Variants in UCHL3 observed in about 807,000 individuals in gnomAD.
UCHL3 encodes the protein ubiquitin carboxyl-terminal hydrolase isozyme L3.
In UCHL3, 22 loss-of-function variants were observed where a neutral mutation model predicts 35.8. The observed-to-expected ratio is 0.61, with a 90% CI of 0.44 to 0.88. The LOEUF (loss-of-function observed/expected upper bound fraction) is 0.88, where lower values mean the gene tolerates loss of function less well. UCHL3 is among the 40% of genes least tolerant of loss of function. The probability of loss-of-function intolerance (pLI) is 0.00; values close to 1 mark genes in which losing one functional copy is unlikely to be tolerated. For synonymous variants in UCHL3, 90 were observed against 92.8 expected, an observed-to-expected ratio of 0.97 and a Z score of 0.17; for missense variants, 229 against 276.9, an observed-to-expected ratio of 0.83 and a Z score of 1.23.
upstream of UCHL3, chr13:75,549,529 C>A (rs535245498): frequency 1.2e-4 from 48 of 413,058 alleles, no homozygotes; most frequent in African/African-American, 9.3e-4. Flanking sequence ...TCGGAAGAGT[C>A]CAAGCGTGAG....
intron 3 of UCHL3, among the ~76,000 whole-genome samples, chr13:75,563,455 G>C (rs1411174482): frequency 6.6e-6 from 1 of 152,122 alleles, no homozygotes; most frequent in Non-Finnish European, 1.5e-5. Context: ...GGGATTATAG[G>C]TGTGACTCAT....
chr13:75,595,345 G>A (rs1453409192), intron 7 of UCHL3, among the ~76,000 whole-genome samples: 3 of 151,968 alleles, frequency 2.0e-5, no homozygotes, highest in Non-Finnish European at 4.4e-5. Flanking sequence ...TTAAAAGATA[G>A]TGTAATATTT....
At chr13:75,559,101 G>A (rs570530353) in intron 2 of UCHL3, among the ~76,000 whole-genome samples, 3 of 123,078 alleles carry the variant, frequency 2.4e-5, no homozygotes, top group Admixed American at 9.7e-5. Flanking sequence ...GTGCAGTGGC[G>A]CAATCTCTGC....
At chr13:75,578,073 A>G (rs1410754065) in intron 6 of UCHL3, among the ~76,000 whole-genome samples, 3 of 152,134 alleles carry the variant, frequency 2.0e-5, no homozygotes, top group Non-Finnish European at 2.9e-5. Flanking sequence ...TTTTGCATCT[A>G]TGTATATTTG....
chr13:75,599,085 C>T (rs1384564937), intron 7 of UCHL3, among the ~76,000 whole-genome samples: 2 of 151,858 alleles, frequency 1.3e-5, no homozygotes, highest in African/African-American at 2.4e-5. Flanking sequence ...CCCCTTGTCA[C>T]AGCCTCCTGA....
chr13:75,593,106 A>G lies in UCHL3; in HGVS notation c.475-1809A>G, dbSNP rs146921651. 1.6e-3 allele frequency among the ~76,000 whole-genome samples: 245 copies of G among 152,316 alleles called. 1 individual carries two copies. Among genetic ancestry groups the G allele is most frequent in the African/African-American group, 5.6e-3 (231 of 41,576 alleles). ...TCTTAAGAAGAGATGGTGTTAAGGT[A>G]ACTAATAATTTATGAAAGCATAAAG... On this transcript the variant is annotated intron_variant, in intron 6 of 8. Transcript: ENST00000377595.
chr13:75,559,079 G>A lies in UCHL3; in HGVS notation c.55-1674G>A, dbSNP rs564260056. 7.9e-5 allele frequency among the ~76,000 whole-genome samples: 8 copies of A among 100,720 alleles called. No homozygotes were observed. The South Asian group carries it at 2.8e-3, about 35-fold the overall frequency. 66.1% of individuals were successfully genotyped at this position (100,720 alleles called of 152,430 possible). Reference sequence around the variant, plus strand: ...TTTTGAGACGGAGTCTGGCTCTGTAGCCCAGGCTGGAGTGCAGTGGCGCAA... The same window carrying A: ...TTTTGAGACGGAGTCTGGCTCTGTAACCCAGGCTGGAGTGCAGTGGCGCAA... On this transcript the variant is annotated intron_variant, in intron 2 of 8. Transcript: ENST00000377595.
chr13:75,591,032 G>A (rs1015240412), intron 6 of UCHL3, among the ~76,000 whole-genome samples: 1 of 152,112 alleles, frequency 6.6e-6, no homozygotes, highest in Non-Finnish European at 1.5e-5. Flanking sequence ...GCTTTGGTGT[G>A]TGCCATACAT....
chr13:75,602,763 A>C (rs9543994), intron 7 of UCHL3, among the ~76,000 whole-genome samples: 1 of 151,954 alleles, frequency 6.6e-6, no homozygotes, highest in African/African-American at 2.4e-5. Context: ...CATTAAAAAT[A>C]CACTGAGGGC....
At chr13:75,568,954 T>C (rs1302817855) in intron 5 of UCHL3, among the ~76,000 whole-genome samples, 1 of 152,212 alleles carries the variant, frequency 6.6e-6, no homozygotes, top group African/African-American at 2.4e-5. Context: ...GGTTTTTTTT[T>C]AGTTCAGGAA....
intron 2 of UCHL3, among the ~76,000 whole-genome samples, chr13:75,550,214 C>G (rs2138438160): frequency 6.6e-6 from 1 of 152,336 alleles, no homozygotes; most frequent in African/African-American, 2.4e-5. Context: ...TCTGCAGTCA[C>G]CACGTATCTT....
intron 7 of UCHL3, among the ~76,000 whole-genome samples, chr13:75,597,732 A>G (rs1489031083): frequency 1.3e-5 from 2 of 152,190 alleles, no homozygotes; most frequent in African/African-American, 4.8e-5. Flanking sequence ...CCCCACAGAT[A>G]TGGAGAGATG....
At chr13:75,569,553 T>C (rs2031788944) in intron 6 of UCHL3, 46 bp downstream of exon 6, 1 of 1,516,154 alleles carries the variant, frequency 6.6e-7, no homozygotes, top group Non-Finnish European at 9.0e-7. Flanking sequence ...AATTTAACCA[T>C]ATAAATTTCT....
chr13:75,576,007 C>T (rs1369985038), intron 6 of UCHL3, among the ~76,000 whole-genome samples: 1 of 152,126 alleles, frequency 6.6e-6, no homozygotes, highest in Admixed American at 6.5e-5. Flanking sequence ...CTACCTCGGC[C>T]TCCCAAAGTG....
rs571807460 is a variant in UCHL3, at chr13:75,554,512, C to T, written c.54+4525C>T. ...CTTCTTGCAAAGGCTATTCCAAATA[C>T]GGCTATTCCAAATATGGCTATTCCA... On this transcript the variant is annotated intron_variant, in intron 2 of 8. Coordinates refer to ENST00000377595, the MANE Select transcript of UCHL3 (RefSeq NM_006002.5). 1.3e-4 allele frequency among the ~76,000 whole-genome samples: 20 copies of T among 152,288 alleles called. 1 individual carries two copies. The South Asian group carries it at 2.5e-3, about 19-fold the overall frequency.
chr13:75,592,508 T>G (rs2138568065), intron 6 of UCHL3, among the ~76,000 whole-genome samples: 1 of 95,346 alleles, frequency 1.0e-5, no homozygotes, highest in African/African-American at 3.2e-5. Flanking sequence ...TTTTTTTTTT[T>G]GCCCTTTGTG....
Position 75,578,349 on chromosome 13 carries a change from G to A in UCHL3, c.474+8842G>A, listed in dbSNP as rs141605427. Reference sequence around the variant, plus strand: ...CCCTGTTATCTAAGTATTCTTTTGGGTAGCTTCTTGTAGGTGGGATTACTG... The same window carrying A: ...CCCTGTTATCTAAGTATTCTTTTGGATAGCTTCTTGTAGGTGGGATTACTG... On this transcript the variant is annotated intron_variant, in intron 6 of 8. Transcript: ENST00000377595. 1.3e-3 allele frequency among the ~76,000 whole-genome samples: 201 copies of A among 152,116 alleles called. 1 individual carries two copies. Among genetic ancestry groups the A allele is most frequent in the African/African-American group, 4.6e-3 (191 of 41,540 alleles).
At chr13:75,604,394 C>G (rs1389941033) in intron 7 of UCHL3, 4 of 162,182 alleles carry the variant, frequency 2.5e-5, no homozygotes, top group African/African-American at 9.6e-5. Flanking sequence ...TTAAACATGT[C>G]TGTCTTACTT....
chr13:75,583,125 T>C (rs1172342486), intron 6 of UCHL3, among the ~76,000 whole-genome samples: 1 of 152,220 alleles, frequency 6.6e-6, no homozygotes, highest in Non-Finnish European at 1.5e-5. Context: ...CATTTTGACA[T>C]ACTTGTTAGA....
Sources: gnomAD v4.1 joint callset for allele counts (sites outside exome capture counted in the v4.1 genomes callset) on GRCh38, gnomAD v4.1.1 for gene constraint, MANE v1.5 for transcripts, NCBI Gene and HGNC (gene_info 2026-07-23, HGNC 2026-07-21) for gene names.